The following SMAD3 variants were observed in gnomAD, a reference collection of about 807,000 sequenced individuals.
The protein encoded by SMAD3 is MAD homolog 3.
A neutral mutation model predicts 51.8 loss-of-function variants in SMAD3; 12 were observed. The ratio of observed to expected loss-of-function variants is 0.23; its 90% CI spans 0.15 to 0.38. The LOEUF (loss-of-function observed/expected upper bound fraction) is 0.38. SMAD3 is among the 10% of genes least tolerant of loss of function. The pLI, the probability that SMAD3 is intolerant of heterozygous loss-of-function variation, is 1.00. For missense variants in SMAD3, 294 were observed against 565.6 expected, an observed-to-expected ratio of 0.52 and a Z score of 4.87; for synonymous variants, 238 against 227.7, an observed-to-expected ratio of 1.05 and a Z score of -0.41.
At chr15:67,123,279 T>G (rs1348156364) in intron 1 of SMAD3, among the ~76,000 whole-genome samples, 1 of 151,376 alleles carries the variant, frequency 6.6e-6, no homozygotes, top group Non-Finnish European at 1.5e-5. Flanking sequence ...GTGGATCACC[T>G]GAGGTCAGGA....
chr15:67,166,605 T>C, intron 3 of SMAD3, 174 bp from the exon 4 acceptor site: 1 of 671,856 alleles, frequency 1.5e-6, no homozygotes, highest in Non-Finnish European at 2.7e-6. Context: ...GAGTCAGAGG[T>C]GGACAGGGGC....
At chr15:67,186,687 A>T in intron 7 of SMAD3, 1 of 168,474 alleles carries the variant, frequency 5.9e-6, no homozygotes, top group Admixed American at 5.9e-5. Flanking sequence ...TGTCTGGAGA[A>T]TCAGATGCAC....
chr15:67,111,225 A>G (rs145755056), intron 1 of SMAD3, among the ~76,000 whole-genome samples: 1 of 152,188 alleles, frequency 6.6e-6, no homozygotes, highest in Non-Finnish European at 1.5e-5. Context: ...TGGACATTTC[A>G]TGTAGATGAA....
Position 67,066,064 on chromosome 15 carries a change from C to T in SMAD3, c.-91C>T. The T allele has an allele frequency of 1.2e-6, 1 of 863,344 alleles. No individual in the cohort carries two copies. The highest frequency in any genetic ancestry group is 1.7e-6 in the Non-Finnish European group (1 of 603,320). The allele number at this position is 863,344 out of a possible 1,614,324, so 53.5% of individuals were successfully genotyped here. A position where few individuals can be genotyped will look rare whatever the true frequency, so the allele number is the denominator to read the frequency against. On this transcript the variant is annotated 5_prime_UTR_variant, in exon 1 of 9. Coordinates refer to ENST00000327367, the MANE Select transcript of SMAD3 (RefSeq NM_005902.4). ...GCGAAGTTTGGGCGACCGCGGCAGG[C>T]CCCGGCCGAGCTCCCCTCTGCGCCC... is the stretch of plus-strand genomic sequence containing the variant.
At chr15:67,181,475 C>G in intron 6 of SMAD3, 22 bp downstream of exon 6, 32 of 1,494,302 alleles carry the variant, frequency 2.1e-5, no homozygotes, top group African/African-American at 4.4e-5. Context: ...CTCCATTCCC[C>G]GCCCCCCCAC....
intron 1 of SMAD3, chr15:67,128,286 G>A (rs188320450): frequency 4.8e-4 from 73 of 152,326 alleles, no homozygotes; most frequent in Admixed American, 4.2e-3. Context: ...AGAGCGGGCT[G>A]TCTGCTTGGC....
At chr15:67,090,661 C>T (rs1355059004) in intron 1 of SMAD3, among the ~76,000 whole-genome samples, 2 of 152,130 alleles carry the variant, frequency 1.3e-5, no homozygotes, top group African/African-American at 4.8e-5. Flanking sequence ...AGAGGCTGAG[C>T]TGTTGTCCCC....
At chr15:67,116,342 TC>T (rs1371590509) in intron 1 of SMAD3, among the ~76,000 whole-genome samples, 2 of 152,208 alleles carry the variant, frequency 1.3e-5, no homozygotes, top group African/African-American at 2.4e-5. Flanking sequence ...GGACACGTTG[TC>T]CTAGGATGCA....
intron 1 of SMAD3, among the ~76,000 whole-genome samples, chr15:67,070,843 T>C (rs1190677528): frequency 6.6e-6 from 1 of 152,172 alleles, no homozygotes; most frequent in Non-Finnish European, 1.5e-5. Flanking sequence ...GGAATCCATT[T>C]AAGTTTCACA....
At chr15:67,112,154 CTT>C (rs753530213) in intron 1 of SMAD3, among the ~76,000 whole-genome samples, 2 of 90,426 alleles carry the variant, frequency 2.2e-5, no homozygotes, top group East Asian at 3.3e-4. Context: ...TTTTTCTTTC[CTT>C]TTTTTTTTTT....
rs1959927664 is a variant in SMAD3, at chr15:67,066,665, C to T, written c.206+305C>T. ...CGGGTTGCTGCGGGACTCGGCCGCCCCCACTCCGGGGAGCTGGGGCTGGAA... is the reference window on the plus strand; with the variant it reads ...CGGGTTGCTGCGGGACTCGGCCGCCTCCACTCCGGGGAGCTGGGGCTGGAA... On this transcript the variant is annotated intron_variant, in intron 1 of 8. Coordinates refer to ENST00000327367, the MANE Select transcript of SMAD3 (RefSeq NM_005902.4). 2.0e-5 allele frequency among the ~76,000 whole-genome samples: 3 copies of T among 152,216 alleles called. No homozygotes were observed. The South Asian group carries it at 6.2e-4, about 31-fold the overall frequency.
chr15:67,150,882 G>GTC (rs1962121817), intron 1 of SMAD3, among the ~76,000 whole-genome samples: 1 of 74,598 alleles, frequency 1.3e-5, no homozygotes, highest in South Asian at 4.6e-4. Context: ...TTGAGATGGA[G>GTC]TCTCTCTCTG....
At chr15:67,098,515 A>G (rs1960669521) in intron 1 of SMAD3, 4 of 299,856 alleles carry the variant, frequency 1.3e-5, no homozygotes, top group South Asian at 1.6e-4. Context: ...TCAACATAGC[A>G]GGGGTTTCTT....
At chr15:67,076,965 A>G (rs1287530440) in intron 1 of SMAD3, among the ~76,000 whole-genome samples, 1 of 152,140 alleles carries the variant, frequency 6.6e-6, no homozygotes, top group Non-Finnish European at 1.5e-5. Flanking sequence ...GGGTGTGCAC[A>G]AGGCCTCTGA....
chr15:67,112,609 C>T (rs1420850989), intron 1 of SMAD3, among the ~76,000 whole-genome samples: 2 of 133,918 alleles, frequency 1.5e-5, no homozygotes, highest in Non-Finnish European at 1.5e-5. Flanking sequence ...TTTTCACTCT[C>T]TTGATGGTGT....
At chr15:67,122,152 C>T (rs1961280028) in intron 1 of SMAD3, among the ~76,000 whole-genome samples, 1 of 152,210 alleles carries the variant, frequency 6.6e-6, no homozygotes, top group South Asian at 2.1e-4. Flanking sequence ...GATGAGGAAG[C>T]TGAGTCCTAC....
chr15:67,116,982 C>T (rs1372088719), intron 1 of SMAD3, among the ~76,000 whole-genome samples: 1 of 152,152 alleles, frequency 6.6e-6, no homozygotes, highest in African/African-American at 2.4e-5. Context: ...AGCTTACTTC[C>T]TCCAGGAAGC....
At chr15:67,086,772 A>C (rs535572118) in intron 1 of SMAD3, among the ~76,000 whole-genome samples, 1 of 152,278 alleles carries the variant, frequency 6.6e-6, no homozygotes, top group South Asian at 2.1e-4. Context: ...TGTCCTGGCC[A>C]CACAGTGAGG....
intron 1 of SMAD3, among the ~76,000 whole-genome samples, chr15:67,130,634 G>A (rs954459242): frequency 6.6e-6 from 1 of 152,184 alleles, no homozygotes; most frequent in African/African-American, 2.4e-5. Flanking sequence ...GGGGACCACT[G>A]CCCTACACAG....
Sources: allele counts gnomAD v4.1 joint callset (sites outside exome capture counted in the v4.1 genomes callset), GRCh38; gene constraint gnomAD v4.1.1; transcripts MANE v1.5; gene names NCBI Gene and HGNC (gene_info 2026-07-23, HGNC 2026-07-21).